Variants in SLC30A6 observed in about 807,000 individuals in gnomAD.
SLC30A6 encodes the protein zinc transporter 6.
In SLC30A6, 55 loss-of-function variants were observed where a neutral mutation model predicts 63.0. The observed-to-expected ratio is 0.87, with a 90% CI of 0.70 to 1.09. SLC30A6 has a LOEUF of 1.09. Among genes scored for constraint, SLC30A6 ranks in the 50% least tolerant of loss-of-function variants. The probability of loss-of-function intolerance (pLI) is 0.00; values close to 1 mark genes in which losing one functional copy is unlikely to be tolerated. For missense variants in SLC30A6, 587 were observed against 549.2 expected, an observed-to-expected ratio of 1.07 and a Z score of -0.69; for synonymous variants, 224 against 186.1, an observed-to-expected ratio of 1.20 and a Z score of -1.66.
rs149571576 is a variant in SLC30A6, at chr2:32,202,100, C to A, written c.666-2490C>A. 198 of 756,166 alleles carry A rather than the reference C, an allele frequency of 2.6e-4. No homozygotes were observed. The East Asian group carries it at 5.6e-3, about 21-fold the overall frequency. 46.8% of individuals were successfully genotyped at this position (756,166 alleles called of 1,614,324 possible). A position where few individuals can be genotyped will look rare whatever the true frequency, so the allele number is the denominator to read the frequency against. ...GATAAGAAGCTAGAGGAGACCTTAA[C>A]ACATGAACAGAAAGAAGGAACCTTC... On this transcript the variant is annotated intron_variant, in intron 10 of 13. Coordinates refer to ENST00000282587, the MANE Select transcript of SLC30A6 (RefSeq NM_017964.5).
At chr2:32,192,226 C>T (rs892570600) in intron 5 of SLC30A6, 110 bp from the exon 6 acceptor site, 3 of 891,124 alleles carry the variant, frequency 3.4e-6, no homozygotes, top group African/African-American at 3.3e-5. Flanking sequence ...TCATAGTAGA[C>T]AGCACATATG....
chr2:32,203,546 T>C (rs1684479142), intron 10 of SLC30A6: 1 of 1,605,188 alleles, frequency 6.2e-7, no homozygotes, highest in Middle Eastern at 2.2e-4. Context: ...TTTGATCACC[T>C]CTGATAGGGA....
At chr2:32,203,590 A>C in intron 10 of SLC30A6, 1 of 1,595,368 alleles carries the variant, frequency 6.3e-7, no homozygotes, top group Non-Finnish European at 8.6e-7. Context: ...CCTAGAGGAA[A>C]TACAGGATGT....
At chr2:32,187,928 A>G (rs536823915) in intron 5 of SLC30A6, among the ~76,000 whole-genome samples, 5 of 152,298 alleles carry the variant, frequency 3.3e-5, no homozygotes, top group Admixed American at 6.5e-5. Flanking sequence ...AGACCAAGCT[A>G]CTTTCATTTA....
At chr2:32,176,776 C>T (rs1056797491) in intron 4 of SLC30A6, among the ~76,000 whole-genome samples, 1 of 148,290 alleles carries the variant, frequency 6.7e-6, no homozygotes, top group African/African-American at 2.5e-5. Flanking sequence ...TATTTTCTTT[C>T]TTTTTTTTTT....
intron 8 of SLC30A6, among the ~76,000 whole-genome samples, chr2:32,195,866 A>G (rs546379202): frequency 6.6e-6 from 1 of 152,206 alleles, no homozygotes; most frequent in South Asian, 2.1e-4. Context: ...ATTAGCTGGA[A>G]ATGGAGGTTC....
rs1021966552 is a variant in SLC30A6, at chr2:32,221,839, A to G, written c.*1126A>G. On this transcript the variant is annotated 3_prime_UTR_variant, in exon 14 of 14. Coordinates refer to ENST00000282587, the MANE Select transcript of SLC30A6 (RefSeq NM_017964.5). ...CAATTTTCTATGTTACATTTAATCA[A>G]ATACTGACATAATGAATTTATCTTT... is the stretch of plus-strand genomic sequence containing the variant. 1 of 152,244 alleles carries G rather than the reference A, an allele frequency of 6.6e-6. No individual in the cohort carries two copies. Among genetic ancestry groups the G allele is most frequent in the Non-Finnish European group, 1.5e-5 (1 of 68,046 alleles). The allele number at this position is 152,244 out of a possible 1,614,324, so 9.4% of individuals were successfully genotyped here.
intron 12 of SLC30A6, among the ~76,000 whole-genome samples, chr2:32,208,535 C>T (rs994750966): frequency 6.6e-6 from 1 of 152,108 alleles, no homozygotes; most frequent in East Asian, 1.9e-4. Flanking sequence ...CCATCTTGGC[C>T]TTCCAAAGTG....
intron 8 of SLC30A6, among the ~76,000 whole-genome samples, chr2:32,196,842 C>T (rs955572730): frequency 2.0e-5 from 3 of 152,126 alleles, no homozygotes; most frequent in African/African-American, 7.2e-5. Context: ...AGGTGGATCA[C>T]CTGAGGTCAG....
chr2:32,207,735 C>G (rs955285814), intron 12 of SLC30A6, among the ~76,000 whole-genome samples: 1 of 123,712 alleles, frequency 8.1e-6, no homozygotes, highest in East Asian at 2.5e-4. Context: ...GAGTCTCGCT[C>G]TGTCGCCCAG....
At chr2:32,193,833 C>T in intron 7 of SLC30A6, 56 bp from the exon 8 acceptor site, 12 of 1,398,264 alleles carry the variant, frequency 8.6e-6, no homozygotes, top group Non-Finnish European at 1.2e-5. Context: ...ATTGAAATTA[C>T]ATACTGATAA....
intron 13 of SLC30A6, among the ~76,000 whole-genome samples, chr2:32,218,427 G>A (rs1014591770): frequency 6.6e-6 from 1 of 152,116 alleles, no homozygotes; most frequent in Non-Finnish European, 1.5e-5. Context: ...ACTTCCAGCT[G>A]GGTATCAAGT....
intron 6 of SLC30A6, 21 bp downstream of exon 6, chr2:32,192,437 A>G (rs759707439): frequency 1.1e-5 from 18 of 1,593,336 alleles, no homozygotes; most frequent in Non-Finnish European, 1.5e-5. Context: ...ATAGGATATT[A>G]TTCTAAATCC....
chr2:32,190,957 T>G (rs934999171), intron 5 of SLC30A6, among the ~76,000 whole-genome samples: 4 of 152,188 alleles, frequency 2.6e-5, no homozygotes, highest in Non-Finnish European at 4.4e-5. Context: ...TTTTCACAAA[T>G]CAGTGGACTA....
chr2:32,204,123 T>A (rs1684535564), intron 10 of SLC30A6: 2 of 384,680 alleles, frequency 5.2e-6, no homozygotes, highest in Non-Finnish European at 4.6e-6. Flanking sequence ...AAATTGGTCA[T>A]ATTTTTTTAA....
At chr2:32,213,765 A>G (rs1228318470) in intron 13 of SLC30A6, among the ~76,000 whole-genome samples, 2 of 106,706 alleles carry the variant, frequency 1.9e-5, no homozygotes, top group Non-Finnish European at 4.0e-5. Context: ...ATTCTCTTCT[A>G]TTTTTCCTAT....
chr2:32,184,365 C>A, intron 5 of SLC30A6, 27 bp downstream of exon 5: 1 of 1,356,792 alleles, frequency 7.4e-7, no homozygotes, highest in Non-Finnish European at 1.0e-6. Context: ...TTATTTTCTG[C>A]TAACTTATGA....
intron 10 of SLC30A6, chr2:32,203,875 C>A: frequency 9.5e-7 from 1 of 1,050,430 alleles, no homozygotes; most frequent in South Asian, 1.3e-5. Flanking sequence ...ATCAGGTGGT[C>A]GATCTGGCAG....
chr2:32,180,947 C>T (rs1265268863), intron 4 of SLC30A6, among the ~76,000 whole-genome samples: 1 of 152,134 alleles, frequency 6.6e-6, no homozygotes, highest in Non-Finnish European at 1.5e-5. Flanking sequence ...AGTTAGCTAT[C>T]GCTACATAAC....
Sources: gnomAD v4.1 joint callset for allele counts (sites outside exome capture counted in the v4.1 genomes callset) on GRCh38, gnomAD v4.1.1 for gene constraint, MANE v1.5 for transcripts, NCBI Gene and HGNC (gene_info 2026-07-23, HGNC 2026-07-21) for gene names.